Variants in CSGALNACT1 observed in about 807,000 individuals in gnomAD.
CSGALNACT1 encodes the protein chondroitin sulfate N-acetylgalactosaminyltransferase 1.
In CSGALNACT1, 52 loss-of-function variants were observed where a neutral mutation model predicts 51.0. The observed-to-expected ratio is 1.02, with a 90% CI of 0.82 to 1.29. The LOEUF (loss-of-function observed/expected upper bound fraction) is 1.29. Ranked by LOEUF, CSGALNACT1 falls within the 50% of genes most tolerant of loss-of-function variation. The pLI, the probability that CSGALNACT1 is intolerant of heterozygous loss-of-function variation, is 0.00. For missense variants in CSGALNACT1, 935 were observed against 679.2 expected, an observed-to-expected ratio of 1.38 and a Z score of -4.19; for synonymous variants, 341 against 254.4, an observed-to-expected ratio of 1.34 and a Z score of -3.24.
chr8:19,730,714 C>T (rs1046839528), intron 1 of CSGALNACT1, among the ~76,000 whole-genome samples: 2 of 152,150 alleles, frequency 1.3e-5, no homozygotes, highest in African/African-American at 4.8e-5. Flanking sequence ...TGGATAGGAG[C>T]GAAATGGCCC....
At position 19,715,721 on chromosome 8, in the gene CSGALNACT1, C is replaced by G. The variant is rs565451969; in HGVS notation, c.-297+42129G>C. Among the ~76,000 whole-genome samples, 4 of 152,184 alleles carry G rather than the reference C, an allele frequency of 2.6e-5. No individual in the cohort carries two copies. The South Asian group carries it at 8.3e-4, about 32-fold the overall frequency. On this transcript the variant is annotated intron_variant, in intron 1 of 1. Coordinates refer to the CSGALNACT1 transcript ENST00000517494. ...ATACATTTTAATGCCTGGAAATGGG[C>G]ACATCTTTCCTTCTGCTAGTTCTGC...
intron 3 of CSGALNACT1, among the ~76,000 whole-genome samples, chr8:19,525,615 C>CAAAAAAAAAAAAAAAA (rs34787475): frequency 9.8e-5 from 2 of 20,382 alleles, no homozygotes; most frequent in African/African-American, 1.6e-4. Flanking sequence ...AAACTTGTCC[C>CAAAAAAAAAAAAAAAA]AAAAAAAAAA....
intron 4 of CSGALNACT1, among the ~76,000 whole-genome samples, chr8:19,477,496 T>C (rs567271339): frequency 6.6e-6 from 1 of 152,344 alleles, no homozygotes; most frequent in African/African-American, 2.4e-5. Flanking sequence ...TACCCACTGA[T>C]AGTTATCTTT....
chr8:19,674,083 T>C (rs1281082086), intron 1 of CSGALNACT1, among the ~76,000 whole-genome samples: 1 of 152,178 alleles, frequency 6.6e-6, no homozygotes, highest in Admixed American at 6.5e-5. Flanking sequence ...AGGTCAGGAC[T>C]TCAAGACCAG....
chr8:19,529,891 T>C (rs1374719901), intron 3 of CSGALNACT1, among the ~76,000 whole-genome samples: 1 of 152,210 alleles, frequency 6.6e-6, no homozygotes, highest in Non-Finnish European at 1.5e-5. Context: ...CTATTATTTG[T>C]ATAATTTTTA....
intron 6 of CSGALNACT1, among the ~76,000 whole-genome samples, chr8:19,423,629 T>C (rs1050650351): frequency 3.3e-5 from 5 of 152,156 alleles, no homozygotes; most frequent in East Asian, 1.9e-4. Context: ...GTGTCTGACA[T>C]GACCTTAATT....
At chr8:19,602,916 ATC>A (rs1402255575), upstream of CSGALNACT1, among the ~76,000 whole-genome samples, 1 of 151,930 alleles carries the variant, frequency 6.6e-6, no homozygotes, top group Non-Finnish European at 1.5e-5. Flanking sequence ...TTTTTATCCC[ATC>A]TGTCTTTATT....
intron 2 of CSGALNACT1, among the ~76,000 whole-genome samples, chr8:19,598,644 C>T (rs1051204232): frequency 1.3e-5 from 2 of 152,106 alleles, no homozygotes; most frequent in Non-Finnish European, 2.9e-5. Flanking sequence ...CTGCAAAGGG[C>T]CTATAAGCTT....
chr8:19,613,212 T>A (rs926400508), intron 1 of CSGALNACT1, among the ~76,000 whole-genome samples: 9 of 152,204 alleles, frequency 5.9e-5, no homozygotes, highest in Non-Finnish European at 4.4e-5. Context: ...TTCTATTCTG[T>A]ATTTTACATA....
chr8:19,482,693 G>T (rs1281663423), intron 4 of CSGALNACT1, among the ~76,000 whole-genome samples: 1 of 152,096 alleles, frequency 6.6e-6, no homozygotes, highest in African/African-American at 2.4e-5. Flanking sequence ...GGTCCTCAAA[G>T]TTCCGATCAC....
intron 1 of CSGALNACT1, among the ~76,000 whole-genome samples, chr8:19,658,071 A>C (rs373144994): frequency 0.018 from 2,733 of 150,668 alleles, 54 homozygotes; most frequent in South Asian, 0.042. Context: ...CCAAAAAAAA[A>C]AAAAAAAAAA....
At chr8:19,467,369 C>T (rs1259313953) in intron 4 of CSGALNACT1, among the ~76,000 whole-genome samples, 1 of 152,118 alleles carries the variant, frequency 6.6e-6, no homozygotes, top group Non-Finnish European at 1.5e-5. Context: ...GATCCACCTA[C>T]CTCGGCCCCC....
chr8:19,681,009 T>C (rs1329949295), intron 1 of CSGALNACT1, among the ~76,000 whole-genome samples: 1 of 152,146 alleles, frequency 6.6e-6, no homozygotes, highest in Non-Finnish European at 1.5e-5. Context: ...TACAAGACGA[T>C]GTGTGTAGGT....
intron 1 of CSGALNACT1, among the ~76,000 whole-genome samples, chr8:19,623,235 A>G (rs924464947): frequency 6.6e-6 from 1 of 152,234 alleles, no homozygotes; most frequent in East Asian, 1.9e-4. Context: ...AGCTGTATGC[A>G]TATAATAACA....
chr8:19,493,726 T>C (rs1032621772), intron 4 of CSGALNACT1, among the ~76,000 whole-genome samples: 3 of 152,244 alleles, frequency 2.0e-5, no homozygotes, highest in African/African-American at 7.2e-5. Context: ...CCACATTCTG[T>C]TTATTGATCC....
At chr8:19,605,877 A>G (rs1394657796), upstream of CSGALNACT1, among the ~76,000 whole-genome samples, 2 of 152,216 alleles carry the variant, frequency 1.3e-5, no homozygotes, top group Non-Finnish European at 2.9e-5. Context: ...GAGTACATTG[A>G]GATCAATAAT....
chr8:19,601,409 A>G (rs1025709818), intron 2 of CSGALNACT1, among the ~76,000 whole-genome samples: 4 of 152,330 alleles, frequency 2.6e-5, no homozygotes, highest in Admixed American at 6.5e-5. Context: ...TTCTGTCCCA[A>G]TTTCCAATGG....
At chr8:19,655,693 C>A (rs2058211300) in intron 1 of CSGALNACT1, among the ~76,000 whole-genome samples, 1 of 152,094 alleles carries the variant, frequency 6.6e-6, no homozygotes, top group Non-Finnish European at 1.5e-5. Flanking sequence ...TCTGGGATTA[C>A]AGGCATGAGC....
At chr8:19,496,297 G>T (rs555234331) in intron 4 of CSGALNACT1, among the ~76,000 whole-genome samples, 2 of 152,270 alleles carry the variant, frequency 1.3e-5, no homozygotes, top group South Asian at 4.1e-4. Flanking sequence ...GGGATCCGAG[G>T]CTTTCATATT....
Sources: allele counts gnomAD v4.1 joint callset (sites outside exome capture counted in the v4.1 genomes callset), GRCh38; gene constraint gnomAD v4.1.1; transcripts MANE v1.5; gene names NCBI Gene and HGNC (gene_info 2026-07-23, HGNC 2026-07-21).